UBE2QL1: variants seen among roughly 807,000 people sequenced by gnomAD.
UBE2QL1 encodes ubiquitin conjugating enzyme E2 QL1, also known as ubiquitin-conjugating enzyme E2Q-like protein 1.
A neutral mutation model predicts 12.6 loss-of-function variants in UBE2QL1; 5 were observed. The observed-to-expected ratio is 0.40, with a 90% confidence interval of 0.21 to 0.83. UBE2QL1 has a LOEUF of 0.83. Among genes scored for constraint, UBE2QL1 ranks in the 40% least tolerant of loss-of-function variants. The probability of loss-of-function intolerance (pLI) is 0.37; values close to 1 mark genes in which losing one functional copy is unlikely to be tolerated. For synonymous variants in UBE2QL1, 96 were observed against 94.5 expected (o/e 1.02, Z -0.10); for missense variants, 99 against 222.6 (o/e 0.44, Z 3.53).
In UBE2QL1 at chr5:6,495,955, C is replaced by T. The variant is rs553174348; in HGVS notation, c.*4606C>T. Among the ~76,000 whole-genome samples the T allele has an allele frequency of 4.6e-5, 7 of 152,238 alleles. No individual in the cohort carries two copies. Among genetic ancestry groups the T allele is most frequent in the Admixed American group, 3.3e-4 (5 of 15,288 alleles). On this transcript the variant is annotated 3_prime_UTR_variant, in exon 2 of 2. Coordinates refer to ENST00000399816, the MANE Select transcript of UBE2QL1 (RefSeq NM_001145161.3). ...AAGGCAAACAAACTCTGTTGACATT[C>T]GGGAAAGCAATAAGTAATGTTAGTT...
chr5:6,460,441 T>C (rs899146710), intron 1 of UBE2QL1, among the ~76,000 whole-genome samples: 3 of 152,230 alleles, frequency 2.0e-5, no homozygotes, highest in Admixed American at 6.5e-5. Flanking sequence ...TTCATGGCAA[T>C]ATTCACCTCC....
At chr5:6,454,939 C>A (rs993639866) in intron 1 of UBE2QL1, among the ~76,000 whole-genome samples, 1 of 152,082 alleles carries the variant, frequency 6.6e-6, no homozygotes, top group African/African-American at 2.4e-5. Flanking sequence ...TCAAGTAGGG[C>A]AGGCAGGAGG....
Position 6,491,288 on chromosome 5 carries a change from A to G in UBE2QL1, c.425A>G (p.Lys142Arg), listed in dbSNP as rs1348059258. Residue 142 changes from lysine (K) to arginine (R), a missense_variant, in exon 2 of 2, where the codon AAG becomes AGG. Physicochemically the swap from Lys to Arg is conservative, Grantham distance 26. Transcript: ENST00000399816. ...FSRKEAEATF[K>R]SLVKTHEKYG... ...CGCAAGGAAGCTGAAGCTACCTTTA[A>G]GAGTTTGGTGAAGACGCATGAAAAA... The G allele has an allele frequency of 7.1e-6, 11 of 1,551,718 alleles. No individual in the cohort carries two copies. The highest frequency in any genetic ancestry group is 9.6e-6 in the Non-Finnish European group (11 of 1,147,000).
intron 1 of UBE2QL1, among the ~76,000 whole-genome samples, chr5:6,480,440 G>A (rs1443765942): frequency 6.6e-6 from 1 of 152,206 alleles, no homozygotes; most frequent in Non-Finnish European, 1.5e-5. Flanking sequence ...TGTCACTAAT[G>A]AGCGTATCTG....
Position 6,481,679 on chromosome 5 carries a change from C to T in UBE2QL1, c.355-9539C>T, listed in dbSNP as rs990270746. Among the ~76,000 whole-genome samples, 1 of 152,244 alleles carries T rather than the reference C, an allele frequency of 6.6e-6. No individual in the cohort carries two copies. The highest frequency in any genetic ancestry group is 2.4e-5 in the African/African-American group (1 of 41,474). ...GCTCGGGCCTCCCACTGATCCTTCC[C>T]CCAGCCTTGCCCACATGACCTTAGT... is the stretch of plus-strand genomic sequence containing the variant. On this transcript the variant is annotated intron_variant, in intron 1 of 1. Coordinates refer to ENST00000399816, the MANE Select transcript of UBE2QL1 (RefSeq NM_001145161.3). The surrounding 1 kb of genome is among the most constrained non-coding windows in gnomAD (Gnocchi z 4.5).
chr5:6,453,277 G>T (rs1361549161), intron 1 of UBE2QL1, among the ~76,000 whole-genome samples: 1 of 152,228 alleles, frequency 6.6e-6, no homozygotes, highest in Non-Finnish European at 1.5e-5. Flanking sequence ...TGAGTGGCAA[G>T]GCTCTGAAAT....
At chr5:6,460,353 T>A (rs1739626205) in intron 1 of UBE2QL1, among the ~76,000 whole-genome samples, 1 of 152,264 alleles carries the variant, frequency 6.6e-6, no homozygotes, top group Non-Finnish European at 1.5e-5. Flanking sequence ...ATTTATTGAA[T>A]TAAATGCACA....
At position 6,493,237 on chromosome 5, in the gene UBE2QL1, G is replaced by A. The variant is rs1734611276; in HGVS notation, c.*1888G>A. 2 of 152,252 alleles carry A rather than the reference G, an allele frequency of 1.3e-5. No individual in the cohort carries two copies. The highest frequency in any genetic ancestry group is 2.4e-5 in the African/African-American group (1 of 41,554). The allele number at this position is 152,252 out of a possible 1,614,324, so 9.4% of individuals were successfully genotyped here. A position where few individuals can be genotyped will look rare whatever the true frequency, so the allele number is the denominator to read the frequency against. On this transcript the variant is annotated 3_prime_UTR_variant, in exon 2 of 2. Coordinates refer to ENST00000399816, the MANE Select transcript of UBE2QL1 (RefSeq NM_001145161.3). The stretch of plus-strand genomic sequence containing the variant: ...CCTGGAAACCTGACATTTGGCTGAC[G>A]GTCTTTGGACCCTGGAGCTAGTGGT...
chr5:6,484,468 G>A (rs752730357), intron 1 of UBE2QL1, among the ~76,000 whole-genome samples: 3 of 152,084 alleles, frequency 2.0e-5, no homozygotes, highest in Admixed American at 6.5e-5. Context: ...TCCTTGATTC[G>A]AACCCAGCTC....
rs1395736056 is a variant in UBE2QL1, at chr5:6,454,077, C to T, written c.354+4830C>T. Among the ~76,000 whole-genome samples, 6 of 152,148 alleles carry T rather than the reference C, an allele frequency of 3.9e-5. No homozygotes were observed. The South Asian group carries it at 1.2e-3, about 32-fold the overall frequency. On this transcript the variant is annotated intron_variant, in intron 1 of 1. Coordinates refer to ENST00000399816, the MANE Select transcript of UBE2QL1 (RefSeq NM_001145161.3). ...GTTTATTTTTTGTAGAGATAGGGGT[C>T]TCACTATGTTGCCCAGCTGGTCTCA...
intron 1 of UBE2QL1, among the ~76,000 whole-genome samples, chr5:6,461,891 G>GT (rs1270714196): frequency 1.3e-5 from 2 of 152,136 alleles, no homozygotes; most frequent in African/African-American, 2.4e-5. Context: ...GTTCCCACTG[G>GT]TTTCCCAGCT....
chr5:6,450,130 C>T (rs1390366352), intron 1 of UBE2QL1, among the ~76,000 whole-genome samples: 1 of 150,988 alleles, frequency 6.6e-6, no homozygotes, highest in East Asian at 1.9e-4. Flanking sequence ...TCAGAGCACC[C>T]CCTTCCTTCC....
chr5:6,461,608 A>G (rs1453986790), intron 1 of UBE2QL1, among the ~76,000 whole-genome samples: 2 of 139,684 alleles, frequency 1.4e-5, no homozygotes, highest in African/African-American at 2.7e-5. Context: ...TGGAGCCTGC[A>G]ATGATATCTA....
chr5:6,480,237 A>G (rs1734332282), intron 1 of UBE2QL1, among the ~76,000 whole-genome samples: 1 of 152,180 alleles, frequency 6.6e-6, no homozygotes, highest in African/African-American at 2.4e-5. Flanking sequence ...GCCCTTGGCC[A>G]CTTCCTAGCT....
At chr5:6,450,795 A>C (rs1466491956) in intron 1 of UBE2QL1, among the ~76,000 whole-genome samples, 2 of 152,210 alleles carry the variant, frequency 1.3e-5, no homozygotes, top group Admixed American at 6.5e-5. Flanking sequence ...CCCGAGTTAG[A>C]AATAGCATAG....
chr5:6,462,482 G>T (rs1261698123), intron 1 of UBE2QL1, among the ~76,000 whole-genome samples: 1 of 152,198 alleles, frequency 6.6e-6, no homozygotes, highest in Non-Finnish European at 1.5e-5. Flanking sequence ...GGCTGAAGCA[G>T]ACCAGTGCTC....
chr5:6,488,633 TA>T (rs755570905), intron 1 of UBE2QL1, among the ~76,000 whole-genome samples: 122 of 151,678 alleles, frequency 8.0e-4, no homozygotes, highest in African/African-American at 2.7e-3. Flanking sequence ...CCTGTCTCTA[TA>T]AAAAAAATTT....
In UBE2QL1 at chr5:6,493,155, G is replaced by A. The variant is rs1274310953; in HGVS notation, c.*1806G>A. 1 of 152,186 alleles carries A rather than the reference G, an allele frequency of 6.6e-6. No individual in the cohort carries two copies. Among genetic ancestry groups the A allele is most frequent in the Non-Finnish European group, 1.5e-5 (1 of 68,038 alleles). 9.4% of individuals were successfully genotyped at this position (152,186 alleles called of 1,614,324 possible). ...GTGAGTCATAATAGTCGTGAAACTT[G>A]ATGACAGTGAACTTACGATGTTCAT... On this transcript the variant is annotated 3_prime_UTR_variant, in exon 2 of 2. Transcript: ENST00000399816.
intron 1 of UBE2QL1, among the ~76,000 whole-genome samples, chr5:6,480,885 A>G (rs140461221): frequency 6.6e-6 from 1 of 152,250 alleles, no homozygotes; most frequent in Non-Finnish European, 1.5e-5. Flanking sequence ...GCATTTCCTA[A>G]TACCCTGCTT....
Sources: gnomAD v4.1 joint callset for allele counts (sites outside exome capture counted in the v4.1 genomes callset) on GRCh38, gnomAD v4.1.1 for gene constraint, Gnocchi (gnomAD v3.1) non-coding constraint, MANE v1.5 for transcripts, NCBI Gene and HGNC (gene_info 2026-07-23, HGNC 2026-07-21) for gene names.